The following ZNF79 variants were observed in gnomAD, a reference collection of about 807,000 sequenced individuals.
The protein encoded by ZNF79 is ZNFpT7.
A neutral mutation model predicts 14.9 loss-of-function variants in ZNF79; 13 were observed. The ratio of observed to expected loss-of-function variants is 0.87; its 90% CI spans 0.57 to 1.38. The LOEUF (loss-of-function observed/expected upper bound fraction) is 1.38, where lower values mean the gene tolerates loss of function less well. Ranked by LOEUF, ZNF79 falls within the 40% of genes most tolerant of loss-of-function variation. ZNF79 has a pLI of 0.00. For missense variants in ZNF79, 631 were observed against 630.6 expected, an observed-to-expected ratio of 1.00 and a Z score of -0.01; for synonymous variants, 223 against 235.1, an observed-to-expected ratio of 0.95 and a Z score of 0.47.
At chr9:127,440,005 G>A (rs534071457) in intron 4 of ZNF79, among the ~76,000 whole-genome samples, 1 of 152,278 alleles carries the variant, frequency 6.6e-6, no homozygotes, top group East Asian at 1.9e-4. Flanking sequence ...TGGGACTACA[G>A]GCACCCACCA....
Position 127,444,741 on chromosome 9 carries a change from G to A in ZNF79, c.1041G>A (p.Ala347=), listed in dbSNP as rs766538091. 28 of 1,591,696 alleles carry A rather than the reference G, an allele frequency of 1.8e-5. No individual in the cohort carries two copies. Among genetic ancestry groups the A allele is most frequent in the Middle Eastern group, 1.7e-4 (1 of 5,926 alleles). ...GGAAGGCCTTCAGTTACTGCGCAGC[G>A]TTCATTCAGCACCAGAGGATTCACA... ...ECGKAFSYCA[A]FIQHQRIHTG... Residue 347 remains alanine (A), a synonymous_variant, in exon 5 of 5, where the codon GCG becomes GCA. Transcript: ENST00000342483.
At chr9:127,435,516 T>C (rs1419484022) in intron 3 of ZNF79, among the ~76,000 whole-genome samples, 2 of 152,196 alleles carry the variant, frequency 1.3e-5, no homozygotes, top group Admixed American at 6.5e-5. Flanking sequence ...CTTGGGAGTT[T>C]AGCTTAGCTC....
intron 4 of ZNF79, among the ~76,000 whole-genome samples, chr9:127,441,316 T>TA (rs1834044040): frequency 6.6e-6 from 1 of 152,174 alleles, no homozygotes. Flanking sequence ...AGATAGCACT[T>TA]ACTGTGTCTC....
chr9:127,438,702 G>T (rs1015035023), intron 4 of ZNF79, among the ~76,000 whole-genome samples: 1 of 152,178 alleles, frequency 6.6e-6, no homozygotes, highest in Non-Finnish European at 1.5e-5. Flanking sequence ...AATGGGGGTC[G>T]TAAGGCCCAC....
Position 127,444,888 on chromosome 9 carries a change from G to T in ZNF79, c.1188G>T (p.Lys396Asn). 6.2e-7 allele frequency: 1 copy of T among 1,614,022 alleles called. No homozygotes were observed. The highest frequency in any genetic ancestry group is 2.2e-5 in the East Asian group (1 of 44,874). Residue 396 changes from lysine to asparagine, a missense_variant, in exon 5 of 5, where the codon AAG becomes AAT. Lys to Asn is a moderately conservative substitution (Grantham distance 94). Transcript: ENST00000342483. ...EKPYKCSECGKAFSQSTNLII... is the reference protein window; with the variant it reads ...EKPYKCSECGNAFSQSTNLII... Reference sequence around the variant, plus strand: ...CCTACAAGTGCAGCGAGTGTGGGAAGGCCTTCAGCCAGAGTACCAATCTCA... The same window carrying T: ...CCTACAAGTGCAGCGAGTGTGGGAATGCCTTCAGCCAGAGTACCAATCTCA...
At chr9:127,432,099 A>AT (rs1180081940) in intron 2 of ZNF79, among the ~76,000 whole-genome samples, 1 of 144,648 alleles carries the variant, frequency 6.9e-6, no homozygotes, top group Admixed American at 6.8e-5. Flanking sequence ...TTATTAATAC[A>AT]TTTTTTTCTT....
intron 1 of ZNF79, among the ~76,000 whole-genome samples, chr9:127,426,940 C>T (rs567776040): frequency 1.2e-4 from 18 of 152,120 alleles, no homozygotes; most frequent in Non-Finnish European, 2.4e-4. Context: ...TTCCTTACAT[C>T]CTCATCAACA....
At chr9:127,443,364 G>A (rs1461579756) in intron 4 of ZNF79, among the ~76,000 whole-genome samples, 5 of 152,164 alleles carry the variant, frequency 3.3e-5, no homozygotes, top group Non-Finnish European at 5.9e-5. Flanking sequence ...GCAGTGAGCT[G>A]TGACTGTGCC....
rs769917110 is a variant in ZNF79, at chr9:127,445,119, C to T, written c.1419C>T (p.Tyr473=). Residue 473 remains tyrosine, a synonymous_variant, in exon 5 of 5, where the codon TAC becomes TAT. Coordinates refer to ENST00000342483, the MANE Select transcript of ZNF79 (RefSeq NM_007135.3). ...GAATCCACACAGGCGTGAAACCCTACGAATGCAGCGAGTGTGGGAAGGCCT... is the reference window on the plus strand; with the variant it reads ...GAATCCACACAGGCGTGAAACCCTATGAATGCAGCGAGTGTGGGAAGGCCT... ...HQRIHTGVKP[Y]ECSECGKAFR... The T allele has an allele frequency of 3.0e-5, 49 of 1,614,020 alleles. No homozygotes were observed. In the South Asian group the frequency reaches 3.2e-4, roughly 10 times the overall value.
At chr9:127,432,337 A>G (rs1833875780) in intron 2 of ZNF79, among the ~76,000 whole-genome samples, 1 of 151,646 alleles carries the variant, frequency 6.6e-6, no homozygotes, top group Admixed American at 6.6e-5. Context: ...TTTAGTAGAG[A>G]CAGGGTTTCA....
intron 4 of ZNF79, 129 bp from the exon 5 acceptor site, chr9:127,443,900 C>CA (rs34006666): frequency 0.16 from 54,805 of 345,694 alleles, 1,765 homozygotes; most frequent in African/African-American, 0.29. Flanking sequence ...GACTCCGTCT[C>CA]AAAAAAAAAA....
chr9:127,445,049 G>A lies in ZNF79; in HGVS notation c.1349G>A (p.Cys450Tyr), dbSNP rs774908538. 2 of 1,613,992 alleles carry A rather than the reference G, an allele frequency of 1.2e-6. No individual in the cohort carries two copies. Among genetic ancestry groups the A allele is most frequent in the Non-Finnish European group, 1.7e-6 (2 of 1,180,036 alleles). ...GAAAAACCTTATGAGTGTAATGAGT[G>A]TGGTAAAGCGTTTAACCAGAGCTCA... ...TGEKPYECNECGKAFNQSSSL... is the reference protein window; with the variant it reads ...TGEKPYECNEYGKAFNQSSSL... Residue 450 changes from cysteine to tyrosine, a missense_variant, in exon 5 of 5, where the codon TGT becomes TAT. Cys to Tyr is a radical substitution (Grantham distance 194, BLOSUM62 -2). Coordinates refer to ENST00000342483, the MANE Select transcript of ZNF79 (RefSeq NM_007135.3).
intron 4 of ZNF79, among the ~76,000 whole-genome samples, chr9:127,436,554 C>G (rs1249848706): frequency 2.0e-5 from 3 of 152,182 alleles, no homozygotes; most frequent in African/African-American, 7.2e-5. Flanking sequence ...GGAAAGGAGA[C>G]CATAGTTTCC....
intron 1 of ZNF79, among the ~76,000 whole-genome samples, chr9:127,427,031 C>T (rs1833769015): frequency 1.3e-5 from 2 of 152,142 alleles, no homozygotes; most frequent in Non-Finnish European, 2.9e-5. Context: ...ATTTGCTTTT[C>T]CCCAATGACT....
At chr9:127,434,682 C>T (rs913347112) in intron 2 of ZNF79, among the ~76,000 whole-genome samples, 3 of 152,092 alleles carry the variant, frequency 2.0e-5, no homozygotes, top group South Asian at 4.1e-4. Context: ...AGAGTCTTGC[C>T]GTGTCACACA....
intron 4 of ZNF79, among the ~76,000 whole-genome samples, chr9:127,441,742 G>A (rs945242348): frequency 1.3e-5 from 2 of 151,834 alleles, no homozygotes; most frequent in South Asian, 2.1e-4. Context: ...TCAGAAGATC[G>A]AGACCATCCT....
chr9:127,426,602 C>T (rs1833759694), intron 1 of ZNF79, among the ~76,000 whole-genome samples: 1 of 152,180 alleles, frequency 6.6e-6, no homozygotes, highest in Admixed American at 6.5e-5. Context: ...TCTTGAACGC[C>T]TGACCTCAGG....
In ZNF79 at chr9:127,435,318, G is replaced by A. The variant is rs146934665; in HGVS notation, c.232+102G>A. 3,585 of 1,333,632 alleles carry A rather than the reference G, an allele frequency of 2.7e-3. 48 individuals carry two copies. The highest frequency in any genetic ancestry group is 0.024 in the East Asian group (902 of 38,212). 82.6% of individuals were successfully genotyped at this position (1,333,632 alleles called of 1,614,324 possible). A position where few individuals can be genotyped will look rare whatever the true frequency, so the allele number is the denominator to read the frequency against. Reference sequence around the variant, plus strand: ...GGTTTCTGACTGGTGTGATGTACCAGAGGGATGGTGTTTATTCCTCTTGTT... The same window carrying A: ...GGTTTCTGACTGGTGTGATGTACCAAAGGGATGGTGTTTATTCCTCTTGTT... On this transcript the variant is annotated intron_variant, in intron 3 of 4. Coordinates refer to ENST00000342483, the MANE Select transcript of ZNF79 (RefSeq NM_007135.3).
At chr9:127,435,785 A>C in intron 3 of ZNF79, 123 bp from the exon 4 acceptor site, 1 of 768,374 alleles carries the variant, frequency 1.3e-6, no homozygotes, top group South Asian at 1.5e-5. Context: ...GTAAGAGCTC[A>C]ATAAGGATTT....
Sources: allele counts gnomAD v4.1 joint callset (sites outside exome capture counted in the v4.1 genomes callset), GRCh38; gene constraint gnomAD v4.1.1; transcripts MANE v1.5; gene names NCBI Gene and HGNC (gene_info 2026-07-23, HGNC 2026-07-21).